The following B3GALT1 variants were observed in gnomAD, a reference collection of about 807,000 sequenced individuals.
The protein encoded by B3GALT1 is UDP-Gal:betaGlcNAc beta 1,3-galactosyltransferase, polypeptide 1.
B3GALT1 carries 10 observed loss-of-function variants against 23.2 expected under a neutral mutation model. The observed-to-expected ratio is 0.43, with a 90% CI of 0.27 to 0.73. B3GALT1 has a LOEUF of 0.73. B3GALT1 is among the 30% of genes least tolerant of loss of function. The pLI, the probability that B3GALT1 is intolerant of heterozygous loss-of-function variation, is 0.21. For synonymous variants in B3GALT1, 156 were observed against 141.5 expected, an observed-to-expected ratio of 1.10 and a Z score of -0.73; for missense variants, 299 against 405.4, an observed-to-expected ratio of 0.74 and a Z score of 2.25.
chr2:167,423,635 T>A (rs1440900506), intron 1 of B3GALT1, among the ~76,000 whole-genome samples: 1 of 152,166 alleles, frequency 6.6e-6, no homozygotes, highest in Admixed American at 6.5e-5. Flanking sequence ...CATTGTTCTT[T>A]GCAGCAATTA....
chr2:167,551,820 A>G (rs1168573819), intron 2 of B3GALT1, among the ~76,000 whole-genome samples: 1 of 152,134 alleles, frequency 6.6e-6, no homozygotes, highest in Non-Finnish European at 1.5e-5. Context: ...CGAAGTAGAT[A>G]TGTGAGAAGT....
intron 2 of B3GALT1, among the ~76,000 whole-genome samples, chr2:167,519,819 C>T (rs11892420): frequency 0.028 from 4,189 of 152,144 alleles, 159 homozygotes; most frequent in East Asian, 0.11. Context: ...CACCTGTAAT[C>T]CCAGTGCTTT....
chr2:167,478,750 T>C (rs1163936483), intron 1 of B3GALT1, among the ~76,000 whole-genome samples: 1 of 151,282 alleles, frequency 6.6e-6, no homozygotes, highest in Non-Finnish European at 1.5e-5. Flanking sequence ...CGGTGTGTGA[T>C]GTTCCCCACC....
intron 3 of B3GALT1, among the ~76,000 whole-genome samples, chr2:167,804,020 G>T (rs906125088): frequency 4.6e-5 from 7 of 152,094 alleles, no homozygotes; most frequent in Admixed American, 1.3e-4. Flanking sequence ...TTTTGAGATG[G>T]AGTCTCACTC....
intron 2 of B3GALT1, among the ~76,000 whole-genome samples, chr2:167,625,031 A>G (rs1190215556): frequency 6.6e-6 from 1 of 151,954 alleles, no homozygotes; most frequent in Non-Finnish European, 1.5e-5. Context: ...CTGGAGAATA[A>G]ATCTCAGGCA....
intron 2 of B3GALT1, among the ~76,000 whole-genome samples, chr2:167,582,171 G>T (rs1190752591): frequency 3.9e-5 from 6 of 152,250 alleles, no homozygotes; most frequent in African/African-American, 1.4e-4. Context: ...AGAGCCGGTT[G>T]ACCAGTTTAA....
chr2:167,613,529 T>A (rs977871998), intron 2 of B3GALT1, among the ~76,000 whole-genome samples: 15 of 151,680 alleles, frequency 9.9e-5, no homozygotes, highest in African/African-American at 3.1e-4. Flanking sequence ...CATTGTCTCC[T>A]GTTTATAACG....
At chr2:167,796,191 C>G (rs1386405666) in intron 3 of B3GALT1, among the ~76,000 whole-genome samples, 1 of 152,136 alleles carries the variant, frequency 6.6e-6, no homozygotes, top group African/African-American at 2.4e-5. Flanking sequence ...TCACATTTCT[C>G]ACCTTTGTAC....
chr2:167,585,035 T>C (rs1334886490), intron 2 of B3GALT1, among the ~76,000 whole-genome samples: 2 of 152,174 alleles, frequency 1.3e-5, no homozygotes, highest in East Asian at 3.9e-4. Context: ...CCTCTACTCC[T>C]GCCTTGATTT....
At chr2:167,793,716 A>G (rs836684) in intron 3 of B3GALT1, among the ~76,000 whole-genome samples, 22,914 of 152,234 alleles carry the variant, frequency 0.15, 1,994 homozygotes, top group East Asian at 0.36. Flanking sequence ...ATTTTTAGAA[A>G]CAAAAAATTC....
At chr2:167,498,848 A>G (rs563364956) in intron 2 of B3GALT1, among the ~76,000 whole-genome samples, 1 of 152,058 alleles carries the variant, frequency 6.6e-6, no homozygotes, top group East Asian at 1.9e-4. Context: ...GAAAGGACCC[A>G]CTCTCAGTCT....
At chr2:167,599,399 C>T (rs1294836404) in intron 2 of B3GALT1, among the ~76,000 whole-genome samples, 1 of 152,064 alleles carries the variant, frequency 6.6e-6, no homozygotes, top group African/African-American at 2.4e-5. Flanking sequence ...AATCCAAAAA[C>T]AGATCACATT....
At chr2:167,673,822 C>G (rs1347487631) in intron 3 of B3GALT1, among the ~76,000 whole-genome samples, 3 of 151,998 alleles carry the variant, frequency 2.0e-5, no homozygotes, top group African/African-American at 7.2e-5. Flanking sequence ...AGCTATCTAG[C>G]AAAGCCTTTT....
intron 1 of B3GALT1, among the ~76,000 whole-genome samples, chr2:167,473,230 T>C (rs1442066870): frequency 1.3e-5 from 2 of 152,146 alleles, no homozygotes; most frequent in Non-Finnish European, 2.9e-5. Flanking sequence ...CGTGTAAACA[T>C]GTCCTGAGAG....
At chr2:167,624,510 G>A (rs1169296556) in intron 2 of B3GALT1, among the ~76,000 whole-genome samples, 1 of 152,036 alleles carries the variant, frequency 6.6e-6, no homozygotes, top group African/African-American at 2.4e-5. Flanking sequence ...AATGTTCAAA[G>A]CAACTTTGTG....
intron 1 of B3GALT1, among the ~76,000 whole-genome samples, chr2:167,418,099 C>T (rs1469705013): frequency 1.3e-5 from 2 of 152,156 alleles, no homozygotes; most frequent in African/African-American, 4.8e-5. Flanking sequence ...TTTTGGACCT[C>T]TACTTCATGG....
In B3GALT1 at chr2:167,466,879, A is replaced by ATT. The variant is rs567975404; in HGVS notation, c.-510-23278_-510-23277dup. On this transcript the variant is annotated intron_variant, in intron 1 of 4. Coordinates refer to ENST00000392690, the MANE Select transcript of B3GALT1 (RefSeq NM_020981.4). ...AGGCGCCCGCCACCACGCCTGGCTA[A>ATT]TTTTTTTTTTTTTTTTTTTTTGTAT... Among the ~76,000 whole-genome samples the ATT allele has an allele frequency of 3.0e-3, 256 of 85,032 alleles. 1 individual carries two copies. The highest frequency in any genetic ancestry group is 7.6e-3 in the African/African-American group (181 of 23,684). The allele number at this position is 85,032 out of a possible 152,430, so 55.8% of individuals were successfully genotyped here. A position where few individuals can be genotyped will look rare whatever the true frequency, so the allele number is the denominator to read the frequency against.
chr2:167,529,288 C>T (rs548108053), intron 2 of B3GALT1, among the ~76,000 whole-genome samples: 2 of 152,012 alleles, frequency 1.3e-5, no homozygotes, highest in East Asian at 3.9e-4. Context: ...CAGACTAAAC[C>T]TTTGATCCCT....
intron 3 of B3GALT1, among the ~76,000 whole-genome samples, chr2:167,771,850 C>A (rs1688077497): frequency 2.0e-5 from 3 of 152,240 alleles, no homozygotes; most frequent in South Asian, 4.2e-4. Flanking sequence ...AGTGCAGCAT[C>A]CATGGGAGAG....
Sources: allele counts gnomAD v4.1 joint callset (sites outside exome capture counted in the v4.1 genomes callset), GRCh38; gene constraint gnomAD v4.1.1; transcripts MANE v1.5; gene names NCBI Gene and HGNC (gene_info 2026-07-23, HGNC 2026-07-21).